The following ARMH1 variants were observed in gnomAD, a reference collection of about 807,000 sequenced individuals.
ARMH1 encodes the protein armadillo-like helical domain containing protein 1.
ARMH1 carries 34 observed loss-of-function variants against 50.2 expected under a neutral mutation model. The observed-to-expected ratio is 0.68, with a 90% confidence interval of 0.51 to 0.90. The LOEUF is 0.90. ARMH1 is among the 40% of genes least tolerant of loss of function. The pLI is 0.00. For missense variants in ARMH1, 538 were observed against 553.9 expected, an observed-to-expected ratio of 0.97 and a Z score of 0.29; for synonymous variants, 221 against 224.2, an observed-to-expected ratio of 0.99 and a Z score of 0.13.
rs373236704 is a variant in ARMH1, at chr1:44,689,921, G to GA, written c.206+29dup. ...AGAATCACGTATCCTTTACTGAACAGAAAAAAAAAAATTAGGCACCGGGCA... is the reference window on the plus strand; with the variant it reads ...AGAATCACGTATCCTTTACTGAACAGAAAAAAAAAAAATTAGGCACCGGGCA... On this transcript the variant is annotated intron_variant, in intron 2 of 11. Transcript: ENST00000535358. 16,357 of 1,098,784 alleles carry GA rather than the reference G, an allele frequency of 0.015. No homozygotes were observed. Among genetic ancestry groups the GA allele is most frequent in the Non-Finnish European group, 0.016 (13,247 of 819,412 alleles). 68.1% of individuals were successfully genotyped at this position (1,098,784 alleles called of 1,614,324 possible).
chr1:44,719,149 AG>A (rs906368301), intron 6 of ARMH1, among the ~76,000 whole-genome samples: 24 of 152,090 alleles, frequency 1.6e-4, no homozygotes, highest in Admixed American at 3.9e-4. Flanking sequence ...AAGTACTGGA[AG>A]GGGTAGCACA....
chr1:44,675,165 A>C lies in ARMH1; in HGVS notation c.-23+292A>C, dbSNP rs149849504. Among the ~76,000 whole-genome samples the C allele has an allele frequency of 2.1e-3, 323 of 152,290 alleles. 3 individuals carry two copies. The highest frequency in any genetic ancestry group is 6.8e-3 in the African/African-American group (283 of 41,562). On this transcript the variant is annotated intron_variant, in intron 1 of 11. Coordinates refer to ENST00000535358, the MANE Select transcript of ARMH1 (RefSeq NM_001145636.2). ...GGTTCCTTAGGCCCTAGTGAGAATC[A>C]AGCTTTTGGCCCTCCCTCTCCCATG...
chr1:44,708,396 G>A (rs950072567), intron 6 of ARMH1, among the ~76,000 whole-genome samples: 1 of 152,178 alleles, frequency 6.6e-6, no homozygotes, highest in Non-Finnish European at 1.5e-5. Flanking sequence ...AAAAGGGCAG[G>A]GTTGGTTTGT....
intron 5 of ARMH1, among the ~76,000 whole-genome samples, chr1:44,703,338 C>T (rs57292145): frequency 0.014 from 2,089 of 152,162 alleles, 54 homozygotes; most frequent in African/African-American, 0.048. Flanking sequence ...CAGTGACTCA[C>T]CACTGCCCTC....
rs1394810303 is a variant in ARMH1 at position 44,689,843 on chromosome 1, A to G, written c.146A>G (p.Gln49Arg). 17 of 1,551,440 alleles carry G rather than the reference A, an allele frequency of 1.1e-5. No homozygotes were observed. The South Asian group carries it at 1.8e-4, about 16-fold the overall frequency. ...GGCAAGACTGCCCCTGAACTGGAGC[A>G]GGAGTTTTCCCAGGGAGCCAGTTTG... ...NQGKTAPELE[Q>R]EFSQGASLFL... is the part of the protein sequence containing the mutation. Residue 49 changes from glutamine (Q) to arginine (R), a missense_variant, in exon 2 of 12, where the codon CAG (glutamine) becomes CGG (arginine). Physicochemically the swap from Gln to Arg is conservative, Grantham distance 43. Coordinates refer to ENST00000535358, the MANE Select transcript of ARMH1 (RefSeq NM_001145636.2).
In ARMH1 at chr1:44,683,220, G is replaced by T. The variant is rs937308226; in HGVS notation, c.-22-6456G>T. Among the ~76,000 whole-genome samples the T allele has an allele frequency of 2.0e-5, 3 of 152,182 alleles. No homozygotes were observed. The highest frequency in any genetic ancestry group is 7.2e-5 in the African/African-American group (3 of 41,424). On this transcript the variant is annotated intron_variant, in intron 1 of 11. Transcript: ENST00000535358. This position sits in a 1 kb window ranked among gnomAD's most constrained non-coding sequence, Gnocchi z 4.2. Reference sequence around the variant, plus strand: ...GGTGGTGACCCAAGCACTGAAATAGGACCAACACAGGGCAAGGGGCAGGTG... The same window carrying T: ...GGTGGTGACCCAAGCACTGAAATAGTACCAACACAGGGCAAGGGGCAGGTG...
At chr1:44,699,388 T>A (rs1645954731) in intron 4 of ARMH1, among the ~76,000 whole-genome samples, 1 of 151,820 alleles carries the variant, frequency 6.6e-6, no homozygotes, top group South Asian at 2.1e-4. Context: ...CAAAAATGAA[T>A]ACAATATAAT....
chr1:44,695,595 G>A (rs1645799068), intron 2 of ARMH1, among the ~76,000 whole-genome samples: 1 of 152,050 alleles, frequency 6.6e-6, no homozygotes, highest in South Asian at 2.1e-4. Context: ...TTCAAAACCA[G>A]CCTGGGCAAC....
chr1:44,694,500 TC>T (rs1645759004), intron 2 of ARMH1, among the ~76,000 whole-genome samples: 1 of 132,566 alleles, frequency 7.5e-6, no homozygotes. Flanking sequence ...TGAGTCTTTT[TC>T]TTTTTTTCTT....
chr1:44,686,024 C>G (rs530637178), intron 1 of ARMH1, among the ~76,000 whole-genome samples: 2 of 152,184 alleles, frequency 1.3e-5, no homozygotes, highest in Middle Eastern at 3.4e-3. Flanking sequence ...CAAGGGAGTA[C>G]ACAAAGAAGG....
Position 44,724,902 on chromosome 1 carries a change from C to T in ARMH1, c.1128+63C>T. On this transcript the variant is annotated intron_variant, in intron 10 of 11. Coordinates refer to ENST00000535358, the MANE Select transcript of ARMH1 (RefSeq NM_001145636.2). The surrounding 1 kb of genome is among the most constrained non-coding windows in gnomAD (Gnocchi z 6.4). ...TGGCGGCTCGGACAGTGTGATGCCC[C>T]TTCAGACAGTCCCCATCCTGGAGCG... 1 of 1,520,678 alleles carries T rather than the reference C, an allele frequency of 6.6e-7. No individual in the cohort carries two copies. Among genetic ancestry groups the T allele is most frequent in the Non-Finnish European group, 8.8e-7 (1 of 1,136,508 alleles). 94.2% of individuals were successfully genotyped at this position (1,520,678 alleles called of 1,614,324 possible).
intron 6 of ARMH1, among the ~76,000 whole-genome samples, chr1:44,709,113 T>C (rs1164921209): frequency 6.6e-6 from 1 of 152,198 alleles, no homozygotes; most frequent in African/African-American, 2.4e-5. Context: ...TCCTTCCTAC[T>C]TGACCTCCCA....
At chr1:44,695,985 A>T (rs1255756669) in intron 2 of ARMH1, among the ~76,000 whole-genome samples, 1 of 151,462 alleles carries the variant, frequency 6.6e-6, no homozygotes, top group Non-Finnish European at 1.5e-5. Flanking sequence ...CAGAGGAAAC[A>T]GAAGGTGACA....
At chr1:44,717,195 C>T (rs778727347) in intron 6 of ARMH1, among the ~76,000 whole-genome samples, 2 of 152,184 alleles carry the variant, frequency 1.3e-5, no homozygotes, top group African/African-American at 2.4e-5. Flanking sequence ...GAGCGAGCTA[C>T]TCAACTTTTT....
chr1:44,687,104 G>T (rs1645498198), intron 1 of ARMH1, among the ~76,000 whole-genome samples: 1 of 152,174 alleles, frequency 6.6e-6, no homozygotes, highest in Non-Finnish European at 1.5e-5. Context: ...TAACTTAAAT[G>T]ACAGAAATTC....
chr1:44,676,907 A>G (rs1020971239), intron 1 of ARMH1, among the ~76,000 whole-genome samples: 6 of 152,212 alleles, frequency 3.9e-5, no homozygotes, highest in Admixed American at 1.3e-4. Flanking sequence ...ACTATAAGGG[A>G]AAGAAGATAA....
rs934020292 is a variant in ARMH1, at chr1:44,724,379, G to T, written c.907G>T (p.Ala303Ser). 7 of 1,550,608 alleles carry T rather than the reference G, an allele frequency of 4.5e-6. No homozygotes were observed. Among genetic ancestry groups the T allele is most frequent in the Non-Finnish European group, 6.1e-6 (7 of 1,146,904 alleles). Reference protein sequence around the residue: ...LPMFLQQAAAAKAIGVLARND... With the variant: ...LPMFLQQAAASKAIGVLARND... ...GATGTTTTTGCAGCAGGCCGCGGCC[G>T]CCAAGGCCATCGGGTAAGCGGGCAG... is the stretch of plus-strand genomic sequence containing the variant. Residue 303 changes from alanine (A) to serine (S), a missense_variant, in exon 8 of 12, where the codon GCC becomes TCC. Ala to Ser is a moderately conservative substitution (Grantham distance 99). Coordinates refer to ENST00000535358, the MANE Select transcript of ARMH1 (RefSeq NM_001145636.2). This position sits in a 1 kb window ranked among gnomAD's most constrained non-coding sequence, Gnocchi z 6.4.
chr1:44,681,353 A>G lies in ARMH1; in HGVS notation c.-23+6480A>G, dbSNP rs113988186. On this transcript the variant is annotated intron_variant, in intron 1 of 11. Transcript: ENST00000535358. This position sits in a 1 kb window ranked among gnomAD's most constrained non-coding sequence, Gnocchi z 4.3. Reference sequence around the variant, plus strand: ...TAGCCAGGCATGGTGGTGCACACCCATAGTCCTAGCTACTCAGGAGGCTGA... The same window carrying G: ...TAGCCAGGCATGGTGGTGCACACCCGTAGTCCTAGCTACTCAGGAGGCTGA... 4.6e-3 allele frequency among the ~76,000 whole-genome samples: 704 copies of G among 152,162 alleles called. 4 individuals are homozygous for G. The highest frequency in any genetic ancestry group is 6.3e-3 in the Non-Finnish European group (427 of 67,998).
At position 44,725,230 on chromosome 1, in the gene ARMH1, C is replaced by T; in HGVS notation, c.1210+13C>T. 6.4e-7 allele frequency: 1 copy of T among 1,551,832 alleles called. No individual in the cohort carries two copies. Among genetic ancestry groups the T allele is most frequent in the Non-Finnish European group, 8.7e-7 (1 of 1,147,008 alleles). On this transcript the variant is annotated intron_variant, in intron 11 of 11. Coordinates refer to ENST00000535358, the MANE Select transcript of ARMH1 (RefSeq NM_001145636.2). ...AATGTTACCAAAGGTGAGTGTGGGA[C>T]GAGGGAAGCCGGGCGCAGGCGCCGC...
Sources: allele counts gnomAD v4.1 joint callset (sites outside exome capture counted in the v4.1 genomes callset), GRCh38; gene constraint gnomAD v4.1.1; non-coding constraint Gnocchi (gnomAD v3.1); transcripts MANE v1.5; gene names NCBI Gene and HGNC (gene_info 2026-07-23, HGNC 2026-07-21).